The following VRTN variants were observed in gnomAD, a reference collection of about 807,000 sequenced individuals.
VRTN encodes the protein vertebrae development associated, also known as vertnin.
Under a neutral mutation model 18.2 loss-of-function variants are expected in VRTN, and 5 were observed. The ratio of observed to expected loss-of-function variants is 0.27; its 90% confidence interval spans 0.14 to 0.58. The LOEUF (loss-of-function observed/expected upper bound fraction) is 0.58, where lower values mean the gene tolerates loss of function less well. Among genes scored for constraint, VRTN ranks in the 20% least tolerant of loss-of-function variants. The pLI is 0.91. For missense variants in VRTN, 741 were observed against 939.4 expected, an observed-to-expected ratio of 0.79 and a Z score of 2.76; for synonymous variants, 381 against 393.7, an observed-to-expected ratio of 0.97 and a Z score of 0.38.
chr14:74,339,681 G>GC (rs1367217744), intron 2 of VRTN, among the ~76,000 whole-genome samples: 14 of 152,044 alleles, frequency 9.2e-5, no homozygotes, highest in South Asian at 4.1e-4. Context: ...GGGCATGGTG[G>GC]CACATGCCTG....
intron 1 of VRTN, among the ~76,000 whole-genome samples, chr14:74,334,396 G>A (rs117806456): frequency 0.03 from 4,621 of 152,164 alleles, 110 homozygotes; most frequent in Middle Eastern, 0.092. Flanking sequence ...CAGGCATGGC[G>A]GTGGGTGCCT....
chr14:74,326,833 G>A (rs1337841558), intron 1 of VRTN, among the ~76,000 whole-genome samples: 2 of 152,206 alleles, frequency 1.3e-5, no homozygotes, highest in South Asian at 4.2e-4. Flanking sequence ...ACCCCAGGAC[G>A]CTCCTCCTCG....
In VRTN at chr14:74,357,010, C is replaced by T. The variant is rs2085732784; in HGVS notation, c.227C>T (p.Pro76Leu). The T allele has an allele frequency of 1.9e-6, 3 of 1,609,804 alleles. No homozygotes were observed. Among genetic ancestry groups the T allele is most frequent in the Non-Finnish European group, 2.5e-6 (3 of 1,177,786 alleles). The change falls in exon 2 of 2, where the codon CCG becomes CTG. Residue 76 changes from proline (P) to leucine (L), a missense_variant. This residue lies in a region of VRTN where 186 missense variants were observed against 288.3 expected (regional missense o/e 0.65). Coordinates refer to ENST00000256362, the MANE Select transcript of VRTN (RefSeq NM_018228.3). This position sits in a 1 kb window ranked among gnomAD's most constrained non-coding sequence, Gnocchi z 7.8. ...GAAGATGCTCCACGGAACATGCTGC[C>T]GCTGGTGTGCAAGGGGGAGGGCAGC... ...YPEDAPRNMLPLVCKGEGSLL... is the reference protein window; with the variant it reads ...YPEDAPRNMLLLVCKGEGSLL...
intron 1 of VRTN, among the ~76,000 whole-genome samples, chr14:74,316,936 G>A (rs189901698): frequency 1.4e-3 from 215 of 152,160 alleles, no homozygotes; most frequent in African/African-American, 4.9e-3. Context: ...CGCCCGGCAA[G>A]GAGGGATTAT....
intron 1 of VRTN, among the ~76,000 whole-genome samples, chr14:74,308,945 C>T (rs1012986443): frequency 6.6e-6 from 1 of 151,908 alleles, no homozygotes; most frequent in Non-Finnish European, 1.5e-5. Context: ...TCACAGCAAC[C>T]TCTGCCTCCC....
intron 1 of VRTN, among the ~76,000 whole-genome samples, chr14:74,303,456 C>G (rs2085170614): frequency 6.6e-6 from 1 of 152,154 alleles, no homozygotes; most frequent in African/African-American, 2.4e-5. Flanking sequence ...GAGGCTGAGG[C>G]AGGAGAATCA....
chr14:74,333,153 C>T (rs1212912286), intron 1 of VRTN, among the ~76,000 whole-genome samples: 2 of 152,222 alleles, frequency 1.3e-5, no homozygotes, highest in African/African-American at 2.4e-5. Flanking sequence ...GAGGCCGAGG[C>T]GGGCGGGTCA....
chr14:74,357,031 G>GCAGCCTGCTGTTCGAGGCGGC lies in VRTN; in HGVS notation c.253_273dup (p.Leu85_Ser91dup). The GCAGCCTGCTGTTCGAGGCGGC allele has an allele frequency of 6.2e-7, 1 of 1,609,156 alleles. No individual in the cohort carries two copies. The highest frequency in any genetic ancestry group is 8.5e-7 in the Non-Finnish European group (1 of 1,177,630). On this transcript the variant is annotated inframe_insertion, in exon 2 of 2. Coordinates refer to ENST00000256362, the MANE Select transcript of VRTN (RefSeq NM_018228.3). This position sits in a 1 kb window ranked among gnomAD's most constrained non-coding sequence, Gnocchi z 7.8. ...CTGCCGCTGGTGTGCAAGGGGGAGGGCAGCCTGCTGTTCGAGGCGGCCAGC... is the reference window on the plus strand; with the variant it reads ...CTGCCGCTGGTGTGCAAGGGGGAGGGCAGCCTGCTGTTCGAGGCGGCCAGCCTGCTGTTCGAGGCGGCCAGC...
chr14:74,326,037 G>A (rs967630311), intron 1 of VRTN, among the ~76,000 whole-genome samples: 1 of 152,106 alleles, frequency 6.6e-6, no homozygotes, highest in African/African-American at 2.4e-5. Flanking sequence ...TAAAGAATGC[G>A]GCTCTGAAAG....
At chr14:74,315,422 G>A (rs1350131731) in intron 1 of VRTN, among the ~76,000 whole-genome samples, 1 of 152,138 alleles carries the variant, frequency 6.6e-6, no homozygotes, top group East Asian at 1.9e-4. Flanking sequence ...TGACCAGGCC[G>A]GGTGTGGTGG....
upstream of VRTN, chr14:74,348,452 A>T (rs1325283856): frequency 6.6e-6 from 1 of 152,182 alleles, no homozygotes; most frequent in Non-Finnish European, 1.5e-5. Flanking sequence ...GAGTGGCTTA[A>T]GCCGCTTCCC....
At chr14:74,312,825 CT>C (rs1415888701) in intron 1 of VRTN, among the ~76,000 whole-genome samples, 1 of 148,610 alleles carries the variant, frequency 6.7e-6, no homozygotes, top group East Asian at 2.0e-4. Flanking sequence ...TCACTGCAAC[CT>C]TCGCCTCCCA....
At chr14:74,314,263 C>A (rs1428171470) in intron 1 of VRTN, among the ~76,000 whole-genome samples, 1 of 152,032 alleles carries the variant, frequency 6.6e-6, no homozygotes, top group East Asian at 1.9e-4. Context: ...TTCCCAGTAG[C>A]TGGAGTTGCA....
At chr14:74,318,807 A>G (rs1395366679) in intron 1 of VRTN, among the ~76,000 whole-genome samples, 1 of 147,986 alleles carries the variant, frequency 6.8e-6, no homozygotes, top group East Asian at 2.0e-4. Context: ...TCCACCTCCC[A>G]GGTTCAAGCA....
intron 1 of VRTN, among the ~76,000 whole-genome samples, chr14:74,316,697 C>T (rs2085421003): frequency 7.3e-6 from 1 of 137,186 alleles, no homozygotes; most frequent in African/African-American, 2.8e-5. Flanking sequence ...AGTGCAGTGT[C>T]GTGATCTCGG....
At chr14:74,303,018 G>C (rs1012882675), upstream of VRTN, 5 of 1,225,942 alleles carry the variant, frequency 4.1e-6, no homozygotes, top group Admixed American at 7.2e-5. Context: ...GCGTTTGATA[G>C]AGAGGAAGGT....
chr14:74,306,162 A>AT (rs1421940139), intron 1 of VRTN: 1 of 61,104 alleles, frequency 1.6e-5, no homozygotes. Flanking sequence ...ATATATATAT[A>AT]TATATATATA....
chr14:74,354,552 G>GTGC (rs1485764316), intron 1 of VRTN, among the ~76,000 whole-genome samples: 3 of 152,030 alleles, frequency 2.0e-5, no homozygotes, highest in East Asian at 3.9e-4. Context: ...CCACAGGCAT[G>GTGC]TGCTGCCACT....
chr14:74,329,619 C>T (rs1595167894), intron 1 of VRTN, among the ~76,000 whole-genome samples: 1 of 150,834 alleles, frequency 6.6e-6, no homozygotes, highest in East Asian at 2.0e-4. Context: ...CACTCTGTTG[C>T]CCAGGCTGGA....
Sources: gnomAD v4.1 joint callset for allele counts (sites outside exome capture counted in the v4.1 genomes callset) on GRCh38, gnomAD v4.1.1 for gene constraint, gnomAD v4.1.1 regional missense constraint, Gnocchi (gnomAD v3.1) non-coding constraint, MANE v1.5 for transcripts, NCBI Gene and HGNC (gene_info 2026-07-23, HGNC 2026-07-21) for gene names.